Variants in LAMA2 observed in about 807,000 individuals in gnomAD.
The protein encoded by LAMA2 is laminin subunit alpha 2.
Under a neutral mutation model 364.8 loss-of-function variants are expected in LAMA2, and 269 were observed. The observed-to-expected ratio is 0.74, with a 90% CI of 0.67 to 0.82. LAMA2 has a LOEUF of 0.82. Among genes scored for constraint, LAMA2 ranks in the 40% least tolerant of loss-of-function variants. The pLI is 0.00. For missense variants in LAMA2, 3,807 were observed against 3,873.2 expected (o/e 0.98, Z 0.45); for synonymous variants, 1,379 against 1,370.6 (o/e 1.01, Z -0.14).
chr6:129,314,821 A>C (rs377678712), intron 24 of LAMA2, 23 bp downstream of exon 24: 1 of 1,613,376 alleles, frequency 6.2e-7, no homozygotes, highest in Non-Finnish European at 8.5e-7. Context: ...CTGCTGAGCC[A>C]TGTAATGGTA....
intron 12 of LAMA2, among the ~76,000 whole-genome samples, chr6:129,205,808 G>GGAGACCAGGAGTTC (rs1782604970): frequency 6.6e-6 from 1 of 151,894 alleles, no homozygotes; most frequent in South Asian, 2.1e-4. Flanking sequence ...GCAGATCACT[G>GGAGACCAGGAGTTC]GAGACCAGGA....
intron 1 of LAMA2, among the ~76,000 whole-genome samples, chr6:128,927,311 T>G (rs1779160736): frequency 6.6e-6 from 1 of 152,172 alleles, no homozygotes; most frequent in Admixed American, 6.5e-5. Context: ...CTTAAATACT[T>G]AGACATTTTA....
chr6:129,256,126 A>C (rs935461633), intron 14 of LAMA2, among the ~76,000 whole-genome samples: 1 of 152,222 alleles, frequency 6.6e-6, no homozygotes, highest in African/African-American at 2.4e-5. Context: ...TATGTTAAGC[A>C]CCTGAAATAG....
At chr6:129,142,953 T>C (rs1778216458) in intron 4 of LAMA2, among the ~76,000 whole-genome samples, 1 of 152,026 alleles carries the variant, frequency 6.6e-6, no homozygotes, top group East Asian at 1.9e-4. Context: ...ATGGTGTTGG[T>C]GCATTTCTTT....
rs148266570 is a variant in LAMA2, at chr6:129,225,555, A to G, written c.1783-24557A>G. Reference sequence around the variant, plus strand: ...TGTATCTTTGTTCTCATTAGTTTCAAAGAACATCTTTATTCCAGCCTTCAT... The same window carrying G: ...TGTATCTTTGTTCTCATTAGTTTCAGAGAACATCTTTATTCCAGCCTTCAT... On this transcript the variant is annotated intron_variant, in intron 12 of 64. Coordinates refer to ENST00000421865, the MANE Select transcript of LAMA2 (RefSeq NM_000426.4). Among the ~76,000 whole-genome samples the G allele has an allele frequency of 9.8e-4, 149 of 152,312 alleles. 1 individual carries two copies. Among genetic ancestry groups the G allele is most frequent in the Non-Finnish European group, 8.8e-5 (6 of 68,034 alleles).
At position 129,098,286 on chromosome 6, in the gene LAMA2, TG is replaced by T; in HGVS notation, c.511del (p.Val171Ter). The T allele has an allele frequency of 6.2e-7, 1 of 1,614,136 alleles. No homozygotes were observed. The highest frequency in any genetic ancestry group is 1.1e-5 in the South Asian group (1 of 91,074). On this transcript the variant is annotated frameshift_variant, in exon 4 of 65. Transcript: ENST00000421865. LOFTEE classifies it high-confidence loss of function. ...VEYKPWQYHA[V>X]TDTECLTLYN... is the part of the protein sequence containing the mutation. ...AATACAAGCCCTGGCAGTATCATGC[TG>T]TGACAGACACGGAGTGCCTAACGCT...
At position 129,261,815 on chromosome 6, in the gene LAMA2, A is replaced by G. The variant is rs554993382; in HGVS notation, c.2208+993A>G. Among the ~76,000 whole-genome samples the G allele has an allele frequency of 2.6e-5, 4 of 152,272 alleles. No individual in the cohort carries two copies. The South Asian group carries it at 8.3e-4, about 32-fold the overall frequency. On this transcript the variant is annotated intron_variant, in intron 15 of 64. Transcript: ENST00000421865. ...GCTCAGATTCACCTTTCTAGAAATA[A>G]AACTAGATATAACTTATAGAAGTAC...
intron 1 of LAMA2, among the ~76,000 whole-genome samples, chr6:128,943,199 GTC>G (rs1466092739): frequency 1.3e-5 from 2 of 151,950 alleles, no homozygotes; most frequent in African/African-American, 4.8e-5. Context: ...CAAGAAGACT[GTC>G]TCTCTGTTTG....
chr6:129,291,839 A>G, intron 20 of LAMA2, 119 bp downstream of exon 20: 1 of 749,674 alleles, frequency 1.3e-6, no homozygotes, highest in Non-Finnish European at 2.3e-6. Flanking sequence ...ATCTAATTCT[A>G]CAATTGAAAT....
intron 22 of LAMA2, among the ~76,000 whole-genome samples, chr6:129,303,888 G>A (rs79053593): frequency 0.099 from 15,084 of 152,074 alleles, 837 homozygotes; most frequent in Admixed American, 0.15. Context: ...TAGCGTTGTC[G>A]TCGGGATGAG....
chr6:129,005,004 A>G (rs1316508572), intron 1 of LAMA2, among the ~76,000 whole-genome samples: 1 of 152,062 alleles, frequency 6.6e-6, no homozygotes, highest in Non-Finnish European at 1.5e-5. Flanking sequence ...CTTTTATAAC[A>G]CATCTGCTGA....
intron 1 of LAMA2, among the ~76,000 whole-genome samples, chr6:129,026,751 C>T (rs192163407): frequency 4.5e-4 from 69 of 152,178 alleles, no homozygotes; most frequent in East Asian, 1.2e-3. Context: ...ATTTAATATT[C>T]GTGGAAGACA....
rs76636896 is a variant in LAMA2, at chr6:129,153,589, G to A, written c.1028-916G>A. 9.5e-3 allele frequency among the ~76,000 whole-genome samples: 1,449 copies of A among 152,234 alleles called. 21 individuals are homozygous for A. The highest frequency in any genetic ancestry group is 0.033 in the African/African-American group (1,375 of 41,522). ...AGAGGTTGGTTTCCAATACTGATTA[G>A]AATATCTTTTACACGTTATTTCACT... On this transcript the variant is annotated intron_variant, in intron 7 of 64. Coordinates refer to ENST00000421865, the MANE Select transcript of LAMA2 (RefSeq NM_000426.4).
At chr6:129,510,694 T>C (rs527810700) in intron 62 of LAMA2, among the ~76,000 whole-genome samples, 1 of 152,034 alleles carries the variant, frequency 6.6e-6, no homozygotes, top group African/African-American at 2.4e-5. Flanking sequence ...AAAGATTAAT[T>C]TTGTTTGGGG....
chr6:128,939,727 A>G (rs1780044449), intron 1 of LAMA2, among the ~76,000 whole-genome samples: 1 of 152,230 alleles, frequency 6.6e-6, no homozygotes, highest in South Asian at 2.1e-4. Flanking sequence ...TTGAGTAGAG[A>G]CGGGAATAGG....
At chr6:129,347,871 A>C (rs1319094169) in intron 30 of LAMA2, among the ~76,000 whole-genome samples, 1 of 152,258 alleles carries the variant, frequency 6.6e-6, no homozygotes, top group Non-Finnish European at 1.5e-5. Flanking sequence ...TCAACTATTC[A>C]AGAATTACTA....
intron 22 of LAMA2, among the ~76,000 whole-genome samples, chr6:129,309,616 G>T (rs959800524): frequency 6.6e-6 from 1 of 152,180 alleles, no homozygotes; most frequent in African/African-American, 2.4e-5. Context: ...ACTCAAAGCA[G>T]TTGGCAAAGA....
At chr6:128,918,572 T>G (rs1047561948) in intron 1 of LAMA2, among the ~76,000 whole-genome samples, 10 of 152,234 alleles carry the variant, frequency 6.6e-5, no homozygotes, top group Admixed American at 6.5e-4. Flanking sequence ...TCACCCAACC[T>G]ATTGTAGAAC....
rs369000669 is a variant in LAMA2 at position 129,199,179 on chromosome 6, G to A, written c.1782+6326G>A. Among the ~76,000 whole-genome samples the A allele has an allele frequency of 4.2e-4, 64 of 152,178 alleles. No homozygotes were observed. The East Asian group carries it at 7.3e-3, about 17-fold the overall frequency. On this transcript the variant is annotated intron_variant, in intron 12 of 64. Transcript: ENST00000421865. ...ATTGGCCAAGTGGATTTTATCATCCGTGTTTGAGGTTACTTTAAAATTAGA... is the reference window on the plus strand; with the variant it reads ...ATTGGCCAAGTGGATTTTATCATCCATGTTTGAGGTTACTTTAAAATTAGA...
Sources: gnomAD v4.1 joint callset for allele counts (sites outside exome capture counted in the v4.1 genomes callset) on GRCh38, gnomAD v4.1.1 for gene constraint, MANE v1.5 for transcripts, NCBI Gene and HGNC (gene_info 2026-07-23, HGNC 2026-07-21) for gene names.